The following KIAA0825 variants were observed in gnomAD, a reference collection of about 807,000 sequenced individuals.
The protein encoded by KIAA0825 is KIAA0825.
KIAA0825 carries 119 observed loss-of-function variants against 147.6 expected under a neutral mutation model. That is an observed-to-expected ratio of 0.81 (90% CI 0.69 to 0.94). The LOEUF (loss-of-function observed/expected upper bound fraction) is 0.94. Ranked by LOEUF, KIAA0825 falls within the 40% of genes least tolerant of loss-of-function variation. The pLI is 0.00. For synonymous variants in KIAA0825, 470 were observed against 518.1 expected (o/e 0.91, Z 1.26); for missense variants, 1,381 against 1,472.7 (o/e 0.94, Z 1.02).
intron 20 of KIAA0825, among the ~76,000 whole-genome samples, chr5:94,307,545 T>C (rs530362038): frequency 6.6e-6 from 1 of 151,922 alleles, no homozygotes; most frequent in Non-Finnish European, 1.5e-5. Context: ...TTTCAACAAA[T>C]GATTTGTTCA....
chr5:94,184,906 T>C (rs1316711171), intron 20 of KIAA0825, among the ~76,000 whole-genome samples: 1 of 152,154 alleles, frequency 6.6e-6, no homozygotes, highest in East Asian at 1.9e-4. Context: ...GCTGGGTGTA[T>C]CCAGTTATCT....
chr5:94,469,918 C>T, intron 10 of KIAA0825, 43 bp downstream of exon 10: 1 of 1,488,306 alleles, frequency 6.7e-7, no homozygotes, highest in Non-Finnish European at 9.0e-7. Context: ...CGCAGTAAAA[C>T]ATATTTGTGT....
intron 2 of KIAA0825, among the ~76,000 whole-genome samples, chr5:94,573,738 A>AT (rs886702578): frequency 1.3e-5 from 2 of 152,358 alleles, no homozygotes; most frequent in African/African-American, 4.8e-5. Context: ...AGATGCAGAT[A>AT]TTCCCCCACA....
intron 13 of KIAA0825, among the ~76,000 whole-genome samples, chr5:94,446,010 C>G (rs1352877025): frequency 1.3e-5 from 2 of 152,136 alleles, no homozygotes; most frequent in African/African-American, 2.4e-5. Flanking sequence ...GTTGGGAGAC[C>G]AAAAACTCTT....
intron 20 of KIAA0825, among the ~76,000 whole-genome samples, chr5:94,353,148 G>A (rs1156410729): frequency 6.6e-6 from 1 of 152,006 alleles, no homozygotes; most frequent in Non-Finnish European, 1.5e-5. Flanking sequence ...GGACAATAAA[G>A]CCAGGAAACA....
chr5:94,356,721 A>ATTTTTTTTT (rs1156680490), intron 20 of KIAA0825, among the ~76,000 whole-genome samples: 5 of 112,542 alleles, frequency 4.4e-5, no homozygotes, highest in Non-Finnish European at 5.7e-5. Context: ...GTTTAACTTG[A>ATTTTTTTTT]TTTCTTTTTT....
At chr5:94,431,050 G>A (rs765936273) in intron 14 of KIAA0825, among the ~76,000 whole-genome samples, 1 of 152,180 alleles carries the variant, frequency 6.6e-6, no homozygotes, top group Non-Finnish European at 1.5e-5. Flanking sequence ...GAAGGGGAGG[G>A]TTACTGAGAA....
intron 20 of KIAA0825, among the ~76,000 whole-genome samples, chr5:94,287,573 A>G (rs1045641050): frequency 6.6e-6 from 1 of 152,146 alleles, no homozygotes; most frequent in Admixed American, 6.6e-5. Flanking sequence ...AGTCTTGTAT[A>G]TTGCTTGTGT....
chr5:94,169,442 C>T (rs555729886), intron 20 of KIAA0825, among the ~76,000 whole-genome samples: 4 of 151,644 alleles, frequency 2.6e-5, no homozygotes, highest in African/African-American at 9.7e-5. Flanking sequence ...ATTAGCGGGG[C>T]ATGGTGGCAC....
At chr5:94,385,096 TTAAATGAAG>T (rs1188025633) in intron 19 of KIAA0825, among the ~76,000 whole-genome samples, 2 of 152,212 alleles carry the variant, frequency 1.3e-5, no homozygotes, top group African/African-American at 4.8e-5. Flanking sequence ...TGCCATTTAT[TTAAATGAAG>T]TAAGGAAAAT....
rs530332272 is a variant in KIAA0825 at position 94,494,314 on chromosome 5, CTTTTTTTTTTTTTTT to C, written c.971-9399_971-9385del. Among the ~76,000 whole-genome samples the C allele has an allele frequency of 2.0e-3, 220 of 111,866 alleles. 1 individual carries two copies. Among genetic ancestry groups the C allele is most frequent in the Non-Finnish European group, 3.1e-3 (179 of 57,522 alleles). 73.4% of individuals were successfully genotyped at this position (111,866 alleles called of 152,430 possible). A position where few individuals can be genotyped will look rare whatever the true frequency, so the allele number is the denominator to read the frequency against. ...TCTTGTCCCTCTCCTATATTCAATC[CTTTTTTTTTTTTTTT>C]TTTTTTTTTGACTGAGAACATGAGA... On this transcript the variant is annotated intron_variant, in intron 5 of 20. Transcript: ENST00000682413.
intron 5 of KIAA0825, among the ~76,000 whole-genome samples, chr5:94,507,461 C>A (rs112575008): frequency 1.9e-3 from 291 of 151,412 alleles, no homozygotes; most frequent in African/African-American, 6.6e-3. Context: ...CCCCGCCCCC[C>A]CCAAAAAAAC....
intron 20 of KIAA0825, among the ~76,000 whole-genome samples, chr5:94,159,422 G>A (rs1260033055): frequency 6.6e-6 from 1 of 152,096 alleles, no homozygotes; most frequent in East Asian, 1.9e-4. Context: ...TTCATAGAAC[G>A]TTACTCTTAT....
At chr5:94,204,488 T>A (rs1329037950) in intron 20 of KIAA0825, among the ~76,000 whole-genome samples, 1 of 152,172 alleles carries the variant, frequency 6.6e-6, no homozygotes, top group African/African-American at 2.4e-5. Flanking sequence ...TAAGTTAGCA[T>A]TGCATCCAAA....
intron 3 of KIAA0825, among the ~76,000 whole-genome samples, chr5:94,536,413 G>T (rs1772027056): frequency 6.6e-6 from 1 of 152,216 alleles, no homozygotes. Flanking sequence ...ATAAGTAACT[G>T]CCTGATTATA....
chr5:94,290,590 A>G (rs1311639388), intron 20 of KIAA0825, among the ~76,000 whole-genome samples: 2 of 152,154 alleles, frequency 1.3e-5, no homozygotes, highest in Non-Finnish European at 2.9e-5. Context: ...GCTGCAATAA[A>G]CATCCATGTG....
intron 13 of KIAA0825, among the ~76,000 whole-genome samples, chr5:94,447,319 T>C (rs1757854361): frequency 6.6e-6 from 1 of 152,004 alleles, no homozygotes; most frequent in Admixed American, 6.6e-5. Context: ...GGTTACAGTA[T>C]AGAATACTAA....
intron 20 of KIAA0825, among the ~76,000 whole-genome samples, chr5:94,360,138 G>A (rs920913852): frequency 6.6e-6 from 1 of 152,014 alleles, no homozygotes; most frequent in Non-Finnish European, 1.5e-5. Context: ...CACAACTCAC[G>A]ACATGTGAAT....
At position 94,245,719 on chromosome 5, in the gene KIAA0825, A is replaced by G. The variant is rs373721937; in HGVS notation, c.3711-91595T>C. Among the ~76,000 whole-genome samples the G allele has an allele frequency of 3.1e-3, 469 of 152,234 alleles. 3 individuals are homozygous for G. The highest frequency in any genetic ancestry group is 0.01 in the African/African-American group (426 of 41,534). On this transcript the variant is annotated intron_variant, in intron 20 of 20. Coordinates refer to ENST00000682413, the MANE Select transcript of KIAA0825 (RefSeq NM_001145678.3). ...ACAAAGACAGGAAATTCAAAACTTA[A>G]TATGACTGATATATGACTAAAGTGA...
Sources: allele counts gnomAD v4.1 joint callset (sites outside exome capture counted in the v4.1 genomes callset), GRCh38; gene constraint gnomAD v4.1.1; transcripts MANE v1.5; gene names NCBI Gene and HGNC (gene_info 2026-07-23, HGNC 2026-07-21).